Variants in KCNIP3 observed in about 807,000 individuals in gnomAD.
The protein encoded by KCNIP3 is calsenilin.
In KCNIP3, 28 loss-of-function variants were observed where a neutral mutation model predicts 35.0. That is an observed-to-expected ratio of 0.80 (90% confidence interval 0.59 to 1.10). The LOEUF is 1.10. Among genes scored for constraint, KCNIP3 ranks in the 50% least tolerant of loss-of-function variants. The pLI is 0.00. For synonymous variants in KCNIP3, 134 were observed against 133.8 expected (o/e 1.00, Z -0.01); for missense variants, 295 against 338.4 (o/e 0.87, Z 1.01).
intron 2 of KCNIP3, among the ~76,000 whole-genome samples, chr2:95,358,515 G>T (rs1679713015): frequency 1.3e-5 from 2 of 152,186 alleles, no homozygotes; most frequent in African/African-American, 4.8e-5. Flanking sequence ...AAACTTGATT[G>T]CAGCCCCCCT....
rs186333464 is a variant in KCNIP3, at chr2:95,374,148, G to A, written c.182-148G>A. ...GGCCACTCAGTCACACCCCCTCTGT[G>A]CAGTGCACAGCCTGTGTGGCTGTCC... On this transcript the variant is annotated intron_variant, in intron 2 of 8. Transcript: ENST00000295225. The A allele has an allele frequency of 1.4e-3, 1,419 of 980,074 alleles. 5 individuals carry two copies. The highest frequency in any genetic ancestry group is 1.7e-3 in the Middle Eastern group (5 of 2,910). 60.7% of individuals were successfully genotyped at this position (980,074 alleles called of 1,614,324 possible).
rs1383152867 is a variant in KCNIP3, at chr2:95,310,477, C to T, written c.138C>T (p.Cys46=). 6.2e-7 allele frequency: 1 copy of T among 1,613,616 alleles called. No individual in the cohort carries two copies. Among genetic ancestry groups the T allele is most frequent in the African/African-American group, 1.3e-5 (1 of 74,790 alleles). ...RLSRQALMRC[C]LVKWILSSTA... Reference sequence around the variant, plus strand: ...GCCGCCAGGCTTTGATGAGATGCTGCCTGGTCAAGTGGATCCTGTCCAGCA... The same window carrying T: ...GCCGCCAGGCTTTGATGAGATGCTGTCTGGTCAAGTGGATCCTGTCCAGCA... Residue 46 remains cysteine, a synonymous_variant, in exon 2 of 9, where the codon TGC becomes TGT. Coordinates refer to ENST00000295225, the MANE Select transcript of KCNIP3 (RefSeq NM_013434.5).
rs973083489 is a variant in KCNIP3 at position 95,368,607 on chromosome 2, G to A, written c.182-5689G>A. 7.0e-5 allele frequency: 26 copies of A among 371,622 alleles called. 2 individuals are homozygous for A. Among genetic ancestry groups the A allele is most frequent in the Non-Finnish European group, 1.2e-4 (23 of 186,072 alleles). 23.0% of individuals were successfully genotyped at this position (371,622 alleles called of 1,614,324 possible). Reference sequence around the variant, plus strand: ...ACAAAATTTGTGTCTTTGCCATCCCGTTTCTGTGTGTGAACACTTTTGTCT... The same window carrying A: ...ACAAAATTTGTGTCTTTGCCATCCCATTTCTGTGTGTGAACACTTTTGTCT... On this transcript the variant is annotated intron_variant, in intron 2 of 8. Transcript: ENST00000295225.
chr2:95,361,192 T>C (rs933210019), intron 2 of KCNIP3, among the ~76,000 whole-genome samples: 1 of 152,180 alleles, frequency 6.6e-6, no homozygotes, highest in African/African-American at 2.4e-5. Context: ...GCAGCCATCT[T>C]CTTGCCTTTC....
intron 2 of KCNIP3, among the ~76,000 whole-genome samples, chr2:95,322,042 A>C (rs1678609576): frequency 1.3e-5 from 2 of 152,096 alleles, no homozygotes; most frequent in African/African-American, 4.8e-5. Context: ...TCTGAGCCTC[A>C]GTTTCCTCAT....
intron 2 of KCNIP3, among the ~76,000 whole-genome samples, chr2:95,362,493 C>T (rs1426588147): frequency 6.6e-6 from 1 of 152,212 alleles, no homozygotes; most frequent in Non-Finnish European, 1.5e-5. Flanking sequence ...CTCCTAAGGA[C>T]CCTATCTCCA....
At chr2:95,304,957 A>C (rs1230525917) in intron 1 of KCNIP3, among the ~76,000 whole-genome samples, 1 of 152,144 alleles carries the variant, frequency 6.6e-6, no homozygotes, top group African/African-American at 2.4e-5. Context: ...TCCTTCAGGG[A>C]AACTTGTGAC....
intron 1 of KCNIP3, among the ~76,000 whole-genome samples, chr2:95,307,037 G>C (rs993887200): frequency 6.6e-6 from 1 of 152,192 alleles, no homozygotes; most frequent in African/African-American, 2.4e-5. Flanking sequence ...GGGTCTCCCT[G>C]CCCTCCTGTC....
intron 1 of KCNIP3, among the ~76,000 whole-genome samples, chr2:95,300,191 G>A (rs1328466839): frequency 6.6e-6 from 1 of 152,158 alleles, no homozygotes; most frequent in Non-Finnish European, 1.5e-5. Flanking sequence ...GAGCCCTCCA[G>A]TGAGTGCACA....
intron 1 of KCNIP3, among the ~76,000 whole-genome samples, chr2:95,304,562 G>A (rs1191749368): frequency 6.6e-6 from 1 of 152,188 alleles, no homozygotes; most frequent in Non-Finnish European, 1.5e-5. Flanking sequence ...CTCAGAACAG[G>A]CTGGGTTTAC....
chr2:95,316,257 C>A (rs549958553), intron 2 of KCNIP3, among the ~76,000 whole-genome samples: 2 of 152,242 alleles, frequency 1.3e-5, no homozygotes, highest in Non-Finnish European at 2.9e-5. Flanking sequence ...CCTGCACCTG[C>A]GGAACAGCCT....
rs544871252 is a variant in KCNIP3 at position 95,331,236 on chromosome 2, A to G, written c.181+20716A>G. ...TGGAGGCACTCTGAAGATGGGACCGAAAGGATTTGCAGATGTCCTGGGTGT... is the reference window on the plus strand; with the variant it reads ...TGGAGGCACTCTGAAGATGGGACCGGAAGGATTTGCAGATGTCCTGGGTGT... On this transcript the variant is annotated intron_variant, in intron 2 of 8. Coordinates refer to ENST00000295225, the MANE Select transcript of KCNIP3 (RefSeq NM_013434.5). Among the ~76,000 whole-genome samples, 10 of 152,298 alleles carry G rather than the reference A, an allele frequency of 6.6e-5. No homozygotes were observed. The East Asian group carries it at 1.9e-3, about 29-fold the overall frequency.
intron 1 of KCNIP3, among the ~76,000 whole-genome samples, chr2:95,301,332 C>A (rs1273296194): frequency 6.6e-6 from 1 of 152,232 alleles, no homozygotes; most frequent in Admixed American, 6.5e-5. Flanking sequence ...TGCGCAGAGC[C>A]CTGATCCTCA....
chr2:95,316,713 G>A (rs1678469455), intron 2 of KCNIP3, among the ~76,000 whole-genome samples: 3 of 152,182 alleles, frequency 2.0e-5, no homozygotes, highest in Admixed American at 2.0e-4. Context: ...GAGATAAGCT[G>A]CCCTCACTGC....
intron 2 of KCNIP3, among the ~76,000 whole-genome samples, chr2:95,321,111 C>T (rs1220325544): frequency 6.6e-6 from 1 of 151,268 alleles, no homozygotes; most frequent in Non-Finnish European, 1.5e-5. Flanking sequence ...AGGCCCTCCC[C>T]TCCCCAGTCC....
chr2:95,307,720 T>C (rs1678212720), intron 1 of KCNIP3, among the ~76,000 whole-genome samples: 1 of 152,110 alleles, frequency 6.6e-6, no homozygotes, highest in Non-Finnish European at 1.5e-5. Context: ...GAAGCAGCCT[T>C]GCCAGCCAAG....
intron 2 of KCNIP3, among the ~76,000 whole-genome samples, chr2:95,327,499 G>A (rs75813437): frequency 1.1e-4 from 1 of 9,090 alleles, no homozygotes; most frequent in Non-Finnish European, 2.3e-4. Context: ...TACATGCACC[G>A]GAAGCAGTGG....
At chr2:95,301,616 C>G (rs1275690855) in intron 1 of KCNIP3, among the ~76,000 whole-genome samples, 2 of 152,234 alleles carry the variant, frequency 1.3e-5, no homozygotes, top group Admixed American at 6.5e-5. Flanking sequence ...CAGAGTGAGG[C>G]CTCCACACAT....
intron 2 of KCNIP3, among the ~76,000 whole-genome samples, chr2:95,354,177 C>T (rs1335592117): frequency 6.6e-6 from 1 of 152,212 alleles, no homozygotes; most frequent in Non-Finnish European, 1.5e-5. Flanking sequence ...CTCCCTGCCC[C>T]CTCAGGTTGT....
Sources: allele counts gnomAD v4.1 joint callset (sites outside exome capture counted in the v4.1 genomes callset), GRCh38; gene constraint gnomAD v4.1.1; transcripts MANE v1.5; gene names NCBI Gene and HGNC (gene_info 2026-07-23, HGNC 2026-07-21).